SCML4: variants seen among roughly 807,000 people sequenced by gnomAD.
The protein encoded by SCML4 is sex comb on midleg-like protein 4.
In SCML4, 34 loss-of-function variants were observed where a neutral mutation model predicts 41.1. That is an observed-to-expected ratio of 0.83 (90% CI 0.63 to 1.10). The LOEUF is 1.10. SCML4 is among the 50% of genes least tolerant of loss of function. The pLI is 0.00. For synonymous variants in SCML4, 214 were observed against 220.9 expected (o/e 0.97, Z 0.28); for missense variants, 522 against 534.1 (o/e 0.98, Z 0.22).
intron 6 of SCML4, 25 bp from the exon 7 acceptor site, chr6:107,708,036 C>T (rs1375456940): frequency 6.5e-7 from 1 of 1,547,626 alleles, no homozygotes; most frequent in Non-Finnish European, 8.7e-7. Context: ...GAGAGGGAGA[C>T]CATGAGCCAG....
rs543060112 is a variant in SCML4 at position 107,813,370 on chromosome 6, TTA to T, written c.-60+10754_-60+10755del. ...AGAGTGAGACGCCATCTCAAAAAAA[TTA>T]TATATATATATATATATATATATAT... On this transcript the variant is annotated intron_variant, in intron 1 of 7. Coordinates refer to ENST00000369020, the MANE Select transcript of SCML4 (RefSeq NM_198081.5). Among the ~76,000 whole-genome samples the T allele has an allele frequency of 7.0e-3, 295 of 42,416 alleles. 2 individuals are homozygous for T. The highest frequency in any genetic ancestry group is 0.015 in the African/African-American group (113 of 7,314). The allele number at this position is 42,416 out of a possible 152,430, so 27.8% of individuals were successfully genotyped here. A position where few individuals can be genotyped will look rare whatever the true frequency, so the allele number is the denominator to read the frequency against.
At chr6:107,742,679 C>T (rs1777695617) in intron 5 of SCML4, among the ~76,000 whole-genome samples, 1 of 152,078 alleles carries the variant, frequency 6.6e-6, no homozygotes, top group South Asian at 2.1e-4. Context: ...TAACTGTTAT[C>T]CAAGACTACT....
intron 1 of SCML4, among the ~76,000 whole-genome samples, chr6:107,798,367 A>T (rs1047422839): frequency 6.6e-6 from 1 of 151,874 alleles, no homozygotes; most frequent in African/African-American, 2.4e-5. Flanking sequence ...TTTTTCAAAA[A>T]ATTTGTTGTG....
At chr6:107,839,584 C>T in the SCML4 span, among the ~76,000 whole-genome samples, 3 of 152,036 alleles carry the variant, frequency 2.0e-5, no homozygotes, top group Non-Finnish European at 2.9e-5. Context: ...CCTTTTTAAT[C>T]TCCTTATTGA....
At chr6:107,808,418 T>TTTTTTG (rs61157013) in intron 1 of SCML4, among the ~76,000 whole-genome samples, 7,215 of 151,688 alleles carry the variant, frequency 0.048, 573 homozygotes, top group African/African-American at 0.16. Context: ...TGCTGGTTTG[T>TTTTTTG]TTTTTGTTTT....
At chr6:107,735,405 T>C (rs1776956496) in intron 5 of SCML4, among the ~76,000 whole-genome samples, 1 of 152,112 alleles carries the variant, frequency 6.6e-6, no homozygotes, top group Non-Finnish European at 1.5e-5. Context: ...GGAACGCACC[T>C]CTCTTCATTC....
intron 1 of SCML4, among the ~76,000 whole-genome samples, chr6:107,791,065 G>A (rs1330441015): frequency 8.0e-5 from 9 of 111,912 alleles, no homozygotes; most frequent in East Asian, 3.7e-4. Flanking sequence ...GCAAGACTCC[G>A]TCTAAAAAAA....
At chr6:107,790,961 T>C (rs1019704696) in intron 1 of SCML4, among the ~76,000 whole-genome samples, 2 of 151,742 alleles carry the variant, frequency 1.3e-5, no homozygotes, top group South Asian at 2.1e-4. Flanking sequence ...TCCCAGCTAC[T>C]CAGGAGGCTG....
rs1773821532 is a variant in SCML4, at chr6:107,707,843, G to C, written c.1119+23C>G. 4 of 1,551,456 alleles carry C rather than the reference G, an allele frequency of 2.6e-6. No individual in the cohort carries two copies. The Admixed American group carries it at 7.8e-5, about 30-fold the overall frequency. Reference sequence around the variant, plus strand: ...TGCCTGCTCCCTCAATCCCCCCCAAGGTCAAACCCACCACTCGCATACGTG... The same window carrying C: ...TGCCTGCTCCCTCAATCCCCCCCAACGTCAAACCCACCACTCGCATACGTG... On this transcript the variant is annotated intron_variant, in intron 7 of 7. Transcript: ENST00000369020.
chr6:107,755,328 G>C (rs963978627), intron 2 of SCML4, among the ~76,000 whole-genome samples: 4 of 152,180 alleles, frequency 2.6e-5, no homozygotes, highest in Admixed American at 2.6e-4. Context: ...ACTATGGGTA[G>C]TATATGGCTT....
chr6:107,708,103 G>A, intron 6 of SCML4, 92 bp from the exon 7 acceptor site: 4 of 1,436,430 alleles, frequency 2.8e-6, no homozygotes, highest in Non-Finnish European at 9.3e-7. Context: ...CCTGGAAGGG[G>A]GATCCTCAGT....
chr6:107,744,899 C>G lies in SCML4; in HGVS notation c.682+50G>C, dbSNP rs755744849. 10 of 1,462,270 alleles carry G rather than the reference C, an allele frequency of 6.8e-6. No homozygotes were observed. The Admixed American group carries it at 1.2e-4, about 18-fold the overall frequency. 90.6% of individuals were successfully genotyped at this position (1,462,270 alleles called of 1,614,324 possible). On this transcript the variant is annotated intron_variant, in intron 5 of 7. Transcript: ENST00000369020. ...CTCCATAGTGGAAGGGCAGAGACAC[C>G]TGGGACAGGGAGGTGTCCCTGCAGG...
At chr6:107,802,382 G>A (rs1029858570) in intron 1 of SCML4, among the ~76,000 whole-genome samples, 1 of 152,118 alleles carries the variant, frequency 6.6e-6, no homozygotes, top group Non-Finnish European at 1.5e-5. Context: ...GCATATGGGA[G>A]TGAAAAACAT....
chr6:107,753,433 A>T (rs1033775029), intron 2 of SCML4, among the ~76,000 whole-genome samples: 1 of 152,338 alleles, frequency 6.6e-6, no homozygotes, highest in Non-Finnish European at 1.5e-5. Context: ...GCATAGAGAC[A>T]GGAAGTAGAA....
chr6:107,770,100 A>G (rs74883976), intron 2 of SCML4, among the ~76,000 whole-genome samples: 1,652 of 152,272 alleles, frequency 0.011, 23 homozygotes, highest in African/African-American at 0.037. Context: ...CTTCTTCACA[A>G]TTAAAGTCCT....
intron 7 of SCML4, 27 bp downstream of exon 7, chr6:107,707,839 C>T (rs768815379): frequency 6.4e-6 from 10 of 1,551,650 alleles, no homozygotes; most frequent in African/African-American, 2.7e-5. Flanking sequence ...TCAATCCCCC[C>T]CAAGGTCAAA....
intron 2 of SCML4, among the ~76,000 whole-genome samples, chr6:107,771,310 A>G (rs191189009): frequency 8.5e-5 from 13 of 152,344 alleles, no homozygotes; most frequent in Non-Finnish European, 1.8e-4. Context: ...TTCTGGTTTC[A>G]GTATTCAGGT....
the SCML4 span, among the ~76,000 whole-genome samples, chr6:107,830,421 G>A: frequency 2.0e-5 from 3 of 152,158 alleles, no homozygotes; most frequent in South Asian, 2.1e-4. Flanking sequence ...CAGGGGCAGC[G>A]TCTGGTAAGG....
chr6:107,744,887 G>A (rs1777919746), intron 5 of SCML4, 62 bp downstream of exon 5: 1 of 1,358,890 alleles, frequency 7.4e-7, no homozygotes, highest in African/African-American at 1.5e-5. Flanking sequence ...CATAGTGGAA[G>A]GGCAGAGACA....
Sources: allele counts gnomAD v4.1 joint callset (sites outside exome capture counted in the v4.1 genomes callset), GRCh38; gene constraint gnomAD v4.1.1; transcripts MANE v1.5; gene names NCBI Gene and HGNC (gene_info 2026-07-23, HGNC 2026-07-21).